HDX: variants seen among roughly 807,000 people sequenced by gnomAD.
HDX encodes the protein highly divergent homeobox.
Under a neutral mutation model 45.2 loss-of-function variants are expected in HDX, and 19 were observed. The ratio of observed to expected loss-of-function variants is 0.42; its 90% CI spans 0.29 to 0.62. The LOEUF (loss-of-function observed/expected upper bound fraction) is 0.62. HDX is among the 20% of genes least tolerant of loss of function. HDX has a pLI of 0.20. For synonymous variants in HDX, 188 were observed against 172.8 expected (o/e 1.09, Z -0.69); for missense variants, 532 against 493.9 (o/e 1.08, Z -0.73).
rs778192293 is a variant in HDX, at chrX:84,319,164, T to A, written c.*2725A>T. 1 of 110,695 alleles carries A rather than the reference T, an allele frequency of 9.0e-6. No homozygotes were observed. The highest frequency in any genetic ancestry group is 2.8e-4 in the East Asian group (1 of 3,532). The allele number at this position is 110,695 out of a possible 1,213,427, so 9.1% of individuals were successfully genotyped here. On this transcript the variant is annotated 3_prime_UTR_variant, in exon 11 of 11. Coordinates refer to ENST00000373177, the MANE Select transcript of HDX (RefSeq NM_001177479.2). ...TGTTGTTGTTTTTTGTTTTTTGTTTTTTTCCACATTGGCTTCTGTCTCCCT... is the reference window on the plus strand; with the variant it reads ...TGTTGTTGTTTTTTGTTTTTTGTTTATTTCCACATTGGCTTCTGTCTCCCT...
At chrX:84,455,956 G>A (rs2040103715) in intron 4 of HDX, among the ~76,000 whole-genome samples, 1 of 112,037 alleles carries the variant, frequency 8.9e-6, no homozygotes, top group Admixed American at 9.4e-5. Context: ...AATTGTCCTA[G>A]AATAGTGTAT....
chrX:84,326,352 A>T, intron 9 of HDX, 52 bp from the exon 10 acceptor site: 1 of 957,452 alleles, frequency 1.0e-6, no homozygotes, highest in Non-Finnish European at 1.5e-6. Flanking sequence ...ACCCAGGACT[A>T]TACATGTTTG....
chrX:84,337,255 A>G (rs2036986625), intron 7 of HDX, among the ~76,000 whole-genome samples: 1 of 111,189 alleles, frequency 9.0e-6, no homozygotes, highest in Non-Finnish European at 1.9e-5. Context: ...TGAAAAAATG[A>G]AGGTAACAAA....
chrX:84,430,857 T>A (rs2039489378), intron 5 of HDX, among the ~76,000 whole-genome samples: 1 of 110,859 alleles, frequency 9.0e-6, no homozygotes. Context: ...TCTCTTTTTT[T>A]TAAATTTAAC....
chrX:84,329,438 T>C (rs912105268), intron 9 of HDX, among the ~76,000 whole-genome samples: 3 of 90,918 alleles, frequency 3.3e-5, no homozygotes, highest in African/African-American at 1.2e-4. Flanking sequence ...TAATCTTTCT[T>C]AACGTAAGAC....
At position 84,362,046 on chromosome X, in the gene HDX, A is replaced by G. The variant is rs1025785066; in HGVS notation, c.1306-434T>C. On this transcript the variant is annotated intron_variant, in intron 5 of 10. Transcript: ENST00000373177. ...ACAGAAAAAGCAAAGACAGGCTTAT[A>G]TTAGTGTGTTGCCTTTTGATAAGTT... Among the ~76,000 whole-genome samples, 4 of 111,695 alleles carry G rather than the reference A, an allele frequency of 3.6e-5. No individual in the cohort carries two copies. In the East Asian group the frequency reaches 1.1e-3, roughly 32 times the overall value.
At chrX:84,365,530 G>C (rs1241587126) in intron 5 of HDX, among the ~76,000 whole-genome samples, 1 of 111,901 alleles carries the variant, frequency 8.9e-6, no homozygotes, top group Non-Finnish European at 1.9e-5. Context: ...GTAACTCCTG[G>C]TTCCCAAAGG....
intron 4 of HDX, among the ~76,000 whole-genome samples, chrX:84,461,993 G>T (rs1397041310): frequency 8.9e-6 from 1 of 111,890 alleles, no homozygotes; most frequent in Admixed American, 9.4e-5. Context: ...AGTTAAAATG[G>T]TTTTTATCCA....
At chrX:84,496,395 A>G (rs1407945961) in intron 1 of HDX, among the ~76,000 whole-genome samples, 1 of 110,347 alleles carries the variant, frequency 9.1e-6, no homozygotes, top group Non-Finnish European at 1.9e-5. Context: ...AGTAACTGGG[A>G]GGTCTTGTTA....
intron 4 of HDX, among the ~76,000 whole-genome samples, chrX:84,447,166 A>T (rs1260250665): frequency 1.8e-5 from 2 of 111,945 alleles, no homozygotes; most frequent in Middle Eastern, 4.6e-3. Context: ...GACACTAGAA[A>T]ATCTAGATAT....
intron 9 of HDX, among the ~76,000 whole-genome samples, chrX:84,330,234 A>G (rs1268207256): frequency 9.0e-6 from 1 of 111,690 alleles, no homozygotes; most frequent in Admixed American, 9.6e-5. Flanking sequence ...ATAATCAGCC[A>G]GTTACCATTT....
intron 1 of HDX, among the ~76,000 whole-genome samples, chrX:84,491,453 T>C (rs1246497518): frequency 8.9e-6 from 1 of 112,024 alleles, no homozygotes; most frequent in East Asian, 2.8e-4. Context: ...AACATATGGA[T>C]TGCAGAAATA....
chrX:84,329,101 T>A (rs887499828), intron 9 of HDX, among the ~76,000 whole-genome samples: 2 of 112,033 alleles, frequency 1.8e-5, no homozygotes, highest in African/African-American at 3.2e-5. Context: ...CAAGGTTTTA[T>A]CTTGCAGATG....
chrX:84,349,447 GTGTA>G (rs1174618552), intron 6 of HDX, among the ~76,000 whole-genome samples: 1 of 82,299 alleles, frequency 1.2e-5, no homozygotes, highest in African/African-American at 4.4e-5. Flanking sequence ...GTGTGTGTGT[GTGTA>G]TGGTTAGGGT....
At chrX:84,421,717 A>C (rs1226954503) in intron 5 of HDX, among the ~76,000 whole-genome samples, 1 of 111,026 alleles carries the variant, frequency 9.0e-6, no homozygotes, top group Non-Finnish European at 1.9e-5. Flanking sequence ...ATAAAGGGAT[A>C]GAACAAGACA....
chrX:84,341,784 T>G (rs1420665686), intron 7 of HDX, among the ~76,000 whole-genome samples: 2 of 108,258 alleles, frequency 1.8e-5, no homozygotes, highest in Non-Finnish European at 3.8e-5. Flanking sequence ...CAGTGGCTAT[T>G]CACAGGTGCA....
At chrX:84,342,399 C>G (rs1324781934) in intron 7 of HDX, among the ~76,000 whole-genome samples, 1 of 111,162 alleles carries the variant, frequency 9.0e-6, no homozygotes, top group Non-Finnish European at 1.9e-5. Context: ...GCCCTACCAG[C>G]TATTAAGACA....
At chrX:84,418,404 A>G (rs2039164274) in intron 5 of HDX, among the ~76,000 whole-genome samples, 1 of 112,154 alleles carries the variant, frequency 8.9e-6, no homozygotes, top group African/African-American at 3.2e-5. Flanking sequence ...GAAAATATAA[A>G]TGAGAAAGAA....
rs193116778 is a variant in HDX, at chrX:84,409,712, A to G, written c.1305+30820T>C. Among the ~76,000 whole-genome samples, 14 of 69,393 alleles carry G rather than the reference A, an allele frequency of 2.0e-4. No homozygotes were observed. The East Asian group carries it at 6.8e-3, about 34-fold the overall frequency. The allele number at this position is 69,393 out of a possible 115,157, so 60.3% of individuals were successfully genotyped here. On this transcript the variant is annotated intron_variant, in intron 5 of 10. Transcript: ENST00000373177. ...CACAGGAAGGGGAACATCACATACCAGGCACTGTTGTGGGGTGGGGGGAGG... is the reference window on the plus strand; with the variant it reads ...CACAGGAAGGGGAACATCACATACCGGGCACTGTTGTGGGGTGGGGGGAGG...
Sources: gnomAD v4.1 joint callset for allele counts (sites outside exome capture counted in the v4.1 genomes callset) on GRCh38, gnomAD v4.1.1 for gene constraint, MANE v1.5 for transcripts, NCBI Gene and HGNC (gene_info 2026-07-23, HGNC 2026-07-21) for gene names.